CNTNAP5: variants seen among roughly 807,000 people sequenced by gnomAD.
The protein encoded by CNTNAP5 is contactin associated protein family member 5.
A neutral mutation model predicts 150.2 loss-of-function variants in CNTNAP5; 72 were observed. The observed-to-expected ratio is 0.48, with a 90% CI of 0.40 to 0.58. CNTNAP5 has a LOEUF of 0.58. Among genes scored for constraint, CNTNAP5 ranks in the 20% least tolerant of loss-of-function variants. The pLI, the probability that CNTNAP5 is intolerant of heterozygous loss-of-function variation, is 0.00. For synonymous variants in CNTNAP5, 672 were observed against 619.8 expected (o/e 1.08, Z -1.25); for missense variants, 1,636 against 1,626.2 (o/e 1.01, Z -0.10).
intron 1 of CNTNAP5, among the ~76,000 whole-genome samples, chr2:124,060,326 G>C (rs951357036): frequency 6.6e-6 from 1 of 152,142 alleles, no homozygotes; most frequent in Admixed American, 6.5e-5. Flanking sequence ...GGCTTGCCCT[G>C]ATCATATTAA....
chr2:124,545,125 A>T (rs866890980), intron 10 of CNTNAP5, among the ~76,000 whole-genome samples: 1 of 152,190 alleles, frequency 6.6e-6, no homozygotes, highest in Non-Finnish European at 1.5e-5. Context: ...ATTCATGTTA[A>T]AAAAACACAC....
chr2:124,814,663 C>T (rs929781292), intron 19 of CNTNAP5, among the ~76,000 whole-genome samples: 2 of 151,778 alleles, frequency 1.3e-5, no homozygotes, highest in African/African-American at 2.4e-5. Flanking sequence ...CTTTGTTGTG[C>T]ACTAAAGCAC....
intron 1 of CNTNAP5, among the ~76,000 whole-genome samples, chr2:124,136,139 T>C (rs1683967849): frequency 6.6e-6 from 1 of 152,252 alleles, no homozygotes; most frequent in African/African-American, 2.4e-5. Flanking sequence ...GAATGTAATC[T>C]TGTCTTGTAA....
At chr2:124,288,285 C>CA (rs1401514690) in intron 3 of CNTNAP5, among the ~76,000 whole-genome samples, 1 of 152,140 alleles carries the variant, frequency 6.6e-6, no homozygotes, top group Non-Finnish European at 1.5e-5. Flanking sequence ...TACCAGATAG[C>CA]AAAACTTTTT....
At chr2:124,239,073 C>G (rs186912484) in intron 2 of CNTNAP5, among the ~76,000 whole-genome samples, 1 of 152,040 alleles carries the variant, frequency 6.6e-6, no homozygotes. Flanking sequence ...AACAGCTATT[C>G]CATTTTGGTT....
intron 22 of CNTNAP5, among the ~76,000 whole-genome samples, chr2:124,908,648 C>A (rs961594306): frequency 2.0e-5 from 3 of 152,222 alleles, no homozygotes; most frequent in African/African-American, 7.2e-5. Context: ...AAGCCTCAGG[C>A]ATTTTCTTCA....
In CNTNAP5 at chr2:124,747,284, G is replaced by T; in HGVS notation, c.2133G>T (p.Trp711Cys). 1 of 1,613,770 alleles carries T rather than the reference G, an allele frequency of 6.2e-7. No homozygotes were observed. The highest frequency in any genetic ancestry group is 8.5e-7 in the Non-Finnish European group (1 of 1,179,772). The stretch of plus-strand genomic sequence containing the variant: ...GGTCCAATGAAAGGCACCCTTACTG[G>T]GGAGGTTCCCCTCCTGGGGTCCAGC... ...IGRSNERHPY[W>C]GGSPPGVQQC... is the part of the protein sequence containing the mutation. The change falls in exon 14 of 24, where the codon TGG becomes TGT. Residue 711 changes from tryptophan (W) to cysteine (C), a missense_variant. Coordinates refer to ENST00000682447, the MANE Select transcript of CNTNAP5 (RefSeq NM_001367498.1).
intron 13 of CNTNAP5, among the ~76,000 whole-genome samples, chr2:124,696,308 T>C (rs914176670): frequency 6.6e-6 from 1 of 152,208 alleles, no homozygotes; most frequent in African/African-American, 2.4e-5. Flanking sequence ...ATTTTCTGCT[T>C]TCCCTTATGC....
chr2:124,436,304 A>G (rs966936787), intron 5 of CNTNAP5, among the ~76,000 whole-genome samples: 2 of 152,222 alleles, frequency 1.3e-5, no homozygotes, highest in African/African-American at 2.4e-5. Flanking sequence ...AATGTTGTAA[A>G]CCAGATACAT....
chr2:124,657,224 T>C (rs915395964), intron 13 of CNTNAP5, among the ~76,000 whole-genome samples: 1 of 152,218 alleles, frequency 6.6e-6, no homozygotes, highest in African/African-American at 2.4e-5. Context: ...TTGTAACTTA[T>C]GGCATTTACC....
At chr2:124,852,047 A>T (rs886369092) in intron 19 of CNTNAP5, among the ~76,000 whole-genome samples, 5 of 152,196 alleles carry the variant, frequency 3.3e-5, no homozygotes, top group African/African-American at 1.2e-4. Flanking sequence ...CTCTGAGTAG[A>T]TGGTGAGATT....
intron 17 of CNTNAP5, among the ~76,000 whole-genome samples, chr2:124,776,802 G>A (rs1365859145): frequency 6.6e-6 from 1 of 151,958 alleles, no homozygotes; most frequent in Non-Finnish European, 1.5e-5. Context: ...TTTGCATGGA[G>A]GATAATAATT....
At chr2:124,429,918 G>T (rs1366774079) in intron 4 of CNTNAP5, among the ~76,000 whole-genome samples, 4 of 152,166 alleles carry the variant, frequency 2.6e-5, no homozygotes, top group African/African-American at 9.7e-5. Context: ...CATTTCACAG[G>T]TGGTTCTGGA....
At chr2:124,602,333 T>C (rs1231440681) in intron 11 of CNTNAP5, among the ~76,000 whole-genome samples, 1 of 96,582 alleles carries the variant, frequency 1.0e-5, no homozygotes, top group Middle Eastern at 6.2e-3. Context: ...AGAGCAAGAC[T>C]TCACCAAAAA....
chr2:124,696,260 T>A (rs1365887942), intron 13 of CNTNAP5, among the ~76,000 whole-genome samples: 1 of 152,174 alleles, frequency 6.6e-6, no homozygotes, highest in Non-Finnish European at 1.5e-5. Flanking sequence ...AGAATTCTTT[T>A]GCTGGTAAGT....
chr2:124,566,947 C>T (rs565197857), intron 11 of CNTNAP5, among the ~76,000 whole-genome samples: 1 of 152,340 alleles, frequency 6.6e-6, no homozygotes, highest in Non-Finnish European at 1.5e-5. Flanking sequence ...GTGGAAATGA[C>T]AGAATCCTTG....
chr2:124,461,260 A>G (rs976614257), intron 6 of CNTNAP5, among the ~76,000 whole-genome samples: 1 of 152,134 alleles, frequency 6.6e-6, no homozygotes, highest in Non-Finnish European at 1.5e-5. Flanking sequence ...CACAATAGCA[A>G]AGACTTGGAA....
At chr2:124,897,049 C>T (rs1678321188) in intron 21 of CNTNAP5, among the ~76,000 whole-genome samples, 1 of 151,424 alleles carries the variant, frequency 6.6e-6, no homozygotes, top group African/African-American at 2.4e-5. Flanking sequence ...TATATTTATT[C>T]CAAGCAATCT....
intron 11 of CNTNAP5, among the ~76,000 whole-genome samples, chr2:124,567,423 G>A (rs914422898): frequency 2.6e-5 from 4 of 152,172 alleles, no homozygotes; most frequent in Admixed American, 2.0e-4. Context: ...TGATGAATGT[G>A]TGGGCAATTT....
Sources: gnomAD v4.1 joint callset for allele counts (sites outside exome capture counted in the v4.1 genomes callset) on GRCh38, gnomAD v4.1.1 for gene constraint, MANE v1.5 for transcripts, NCBI Gene and HGNC (gene_info 2026-07-23, HGNC 2026-07-21) for gene names.